The following CNOT2 variants were observed in gnomAD, a reference collection of about 807,000 sequenced individuals.
CNOT2 encodes CC chemokine receptor 4-negative regulator of transcription 2.
A neutral mutation model predicts 72.1 loss-of-function variants in CNOT2; 7 were observed. The ratio of observed to expected loss-of-function variants is 0.10; its 90% confidence interval spans 0.06 to 0.18. The LOEUF (loss-of-function observed/expected upper bound fraction) is 0.18. Ranked by LOEUF, CNOT2 falls within the 10% of genes least tolerant of loss-of-function variation. The pLI is 1.00. For missense variants in CNOT2, 345 were observed against 660.3 expected (o/e 0.52, Z 5.23); for synonymous variants, 196 against 225.6 (o/e 0.87, Z 1.17).
chr12:70,270,348 T>C (rs1232098006), intron 1 of CNOT2, among the ~76,000 whole-genome samples: 1 of 152,138 alleles, frequency 6.6e-6, no homozygotes, highest in East Asian at 1.9e-4. Context: ...CTGCACTGCC[T>C]GAAAATTTTG....
At chr12:70,251,463 G>A (rs12315630) in intron 1 of CNOT2, among the ~76,000 whole-genome samples, 2,035 of 152,238 alleles carry the variant, frequency 0.013, 45 homozygotes, top group African/African-American at 0.046. Flanking sequence ...GACCTCATAG[G>A]AGAAGTTAGT....
intron 2 of CNOT2, among the ~76,000 whole-genome samples, chr12:70,295,517 T>C (rs778274811): frequency 6.6e-6 from 1 of 152,204 alleles, no homozygotes; most frequent in Non-Finnish European, 1.5e-5. Flanking sequence ...ATTTAAAATA[T>C]TCTCATTAGA....
chr12:70,303,410 T>C (rs1467864863), intron 2 of CNOT2, among the ~76,000 whole-genome samples: 2 of 152,238 alleles, frequency 1.3e-5, no homozygotes, highest in African/African-American at 4.8e-5. Context: ...AGGGCAGGCC[T>C]GGTGGTGACA....
intron 2 of CNOT2, among the ~76,000 whole-genome samples, chr12:70,299,474 T>C (rs1873470527): frequency 6.7e-6 from 1 of 149,182 alleles, no homozygotes; most frequent in Admixed American, 6.8e-5. Context: ...ACATGCGGTG[T>C]TTGGTTTTTT....
intron 2 of CNOT2, among the ~76,000 whole-genome samples, chr12:70,302,309 G>C (rs1227220556): frequency 6.6e-6 from 1 of 151,616 alleles, no homozygotes; most frequent in Admixed American, 6.6e-5. Flanking sequence ...TGTGATGTTA[G>C]GGTGTCAATT....
intron 1 of CNOT2, among the ~76,000 whole-genome samples, chr12:70,274,388 T>C (rs972686668): frequency 6.6e-6 from 1 of 152,094 alleles, no homozygotes; most frequent in Non-Finnish European, 1.5e-5. Context: ...TCTTGTAGTT[T>C]GTCCTAATTA....
rs1593278845 is a variant in CNOT2 at position 70,342,095 on chromosome 12, C to T, written c.1179-12C>T. On this transcript the variant is annotated splice_polypyrimidine_tract_variant and intron_variant, in intron 11 of 15. Transcript: ENST00000229195. Reference sequence around the variant, plus strand: ...CTGGATTTCAAAATGTTTTCTTTTCCTCCTTATTCAGAAATCTCTACCCCA... The same window carrying T: ...CTGGATTTCAAAATGTTTTCTTTTCTTCCTTATTCAGAAATCTCTACCCCA... 6.6e-7 allele frequency: 1 copy of T among 1,519,344 alleles called. No individual in the cohort carries two copies. Among genetic ancestry groups the T allele is most frequent in the Non-Finnish European group, 9.1e-7 (1 of 1,094,028 alleles). The allele number at this position is 1,519,344 out of a possible 1,614,324, so 94.1% of individuals were successfully genotyped here. A position where few individuals can be genotyped will look rare whatever the true frequency, so the allele number is the denominator to read the frequency against.
At chr12:70,291,107 T>C (rs144514823) in intron 2 of CNOT2, among the ~76,000 whole-genome samples, 46 of 152,324 alleles carry the variant, frequency 3.0e-4, no homozygotes, top group African/African-American at 1.1e-3. Flanking sequence ...CTGTTTCCTC[T>C]GAATTTCCTG....
intron 15 of CNOT2, 133 bp downstream of exon 15, chr12:70,346,457 C>T (rs1882182653): frequency 3.0e-6 from 2 of 658,456 alleles, no homozygotes; most frequent in Admixed American, 3.0e-5. Context: ...TTAATTCCAT[C>T]TCCTTGGCTT....
rs762434876 is a variant in CNOT2 at position 70,353,890 on chromosome 12, A to T, written c.1598A>T (p.Tyr533Phe). 4 of 1,605,704 alleles carry T rather than the reference A, an allele frequency of 2.5e-6. No homozygotes were observed. The highest frequency in any genetic ancestry group is 3.4e-6 in the Non-Finnish European group (4 of 1,177,714). The change falls in exon 16 of 16, where the codon TAC (tyrosine) becomes TTC (phenylalanine). Residue 533 changes from tyrosine to phenylalanine, a missense_variant. Physicochemically the swap from Tyr to Phe is conservative, Grantham distance 22. Coordinates refer to ENST00000229195, the MANE Select transcript of CNOT2 (RefSeq NM_014515.7). ...CCTCACCTGCCATCCACCTTCAACT[A>T]CAACCCTGCTCAGCAAGCCTTCTAA... ...ERPHLPSTFN[Y>F]NPAQQAF
chr12:70,319,055 TG>T (rs1230748197), intron 3 of CNOT2: 11 of 313,428 alleles, frequency 3.5e-5, no homozygotes, highest in Non-Finnish European at 5.9e-5. Context: ...CTCAAGTTAG[TG>T]TGACTTTTAG....
intron 1 of CNOT2, 90 bp from the exon 2 acceptor site, chr12:70,278,042 G>T: frequency 6.2e-6 from 3 of 485,152 alleles, no homozygotes; most frequent in African/African-American, 3.9e-5. Flanking sequence ...TTTGTTTTTT[G>T]TTTTCTGTGT....
At chr12:70,327,751 C>T (rs1168323442) in intron 4 of CNOT2, 1 of 151,560 alleles carries the variant, frequency 6.6e-6, no homozygotes, top group East Asian at 2.0e-4. Flanking sequence ...CTGCCATATC[C>T]CCAGCAGCTA....
rs1422685307 is a variant in CNOT2, at chr12:70,265,277, T to TCTCTTCTCTC, written c.-95-12846_-95-12845insCCTCTTCTCT. ...AAACCTGGAGTTTCGTTTTGTTTCT[T>TCTCTTCTCTC]CTCTTCTCTTCTCTTCTCTTCTCTT... is the stretch of plus-strand genomic sequence containing the variant. On this transcript the variant is annotated intron_variant, in intron 1 of 15. Coordinates refer to ENST00000229195, the MANE Select transcript of CNOT2 (RefSeq NM_014515.7). Among the ~76,000 whole-genome samples, 130 of 115,132 alleles carry TCTCTTCTCTC rather than the reference T, an allele frequency of 1.1e-3. 1 individual carries two copies. The highest frequency in any genetic ancestry group is 4.3e-3 in the African/African-American group (124 of 28,650). The allele number at this position is 115,132 out of a possible 152,430, so 75.5% of individuals were successfully genotyped here. A position where few individuals can be genotyped will look rare whatever the true frequency, so the allele number is the denominator to read the frequency against.
intron 11 of CNOT2, among the ~76,000 whole-genome samples, 192 bp downstream of exon 11, chr12:70,339,014 ATGTGTG>A (rs143055295): frequency 0.074 from 9,667 of 130,908 alleles, 419 homozygotes; most frequent in East Asian, 0.15. Flanking sequence ...TTGGCATTTT[ATGTGTG>A]TGTGTGTGTG....
At chr12:70,284,980 A>G (rs1350849458) in intron 2 of CNOT2, among the ~76,000 whole-genome samples, 1 of 152,136 alleles carries the variant, frequency 6.6e-6, no homozygotes, top group Non-Finnish European at 1.5e-5. Flanking sequence ...ATCTAGTAGC[A>G]CCCCTGTGTG....
chr12:70,283,467 T>TGAGAGATA (rs1870239298), intron 2 of CNOT2, among the ~76,000 whole-genome samples: 1 of 142,458 alleles, frequency 7.0e-6, no homozygotes, highest in Non-Finnish European at 1.5e-5. Flanking sequence ...GTCAGTCGAT[T>TGAGAGATA]GATAGATAGA....
intron 15 of CNOT2, among the ~76,000 whole-genome samples, chr12:70,349,148 A>G: frequency 6.6e-6 from 1 of 152,148 alleles, no homozygotes. Flanking sequence ...AAAATTTTGA[A>G]GTTGCAGTAT....
intron 2 of CNOT2, among the ~76,000 whole-genome samples, chr12:70,279,868 A>G (rs961363591): frequency 1.3e-5 from 2 of 148,794 alleles, no homozygotes; most frequent in African/African-American, 5.2e-5. Flanking sequence ...TTTCTACACT[A>G]AAAGTACTCC....
Sources: allele counts gnomAD v4.1 joint callset (sites outside exome capture counted in the v4.1 genomes callset), GRCh38; gene constraint gnomAD v4.1.1; transcripts MANE v1.5; gene names NCBI Gene and HGNC (gene_info 2026-07-23, HGNC 2026-07-21).